Variants in AHI1 observed in about 807,000 individuals in gnomAD.
The protein encoded by AHI1 is jouberin.
In AHI1, 123 loss-of-function variants were observed where a neutral mutation model predicts 149.3. The ratio of observed to expected loss-of-function variants is 0.82; its 90% CI spans 0.71 to 0.96. The LOEUF is 0.96. AHI1 is among the 40% of genes least tolerant of loss of function. AHI1 has a pLI of 0.00. For synonymous variants in AHI1, 475 were observed against 459.8 expected, an observed-to-expected ratio of 1.03 and a Z score of -0.42; for missense variants, 1,439 against 1,422.7, an observed-to-expected ratio of 1.01 and a Z score of -0.18.
intron 20 of AHI1, among the ~76,000 whole-genome samples, chr6:135,418,866 C>CT (rs918054495): frequency 6.7e-6 from 1 of 150,160 alleles, no homozygotes; most frequent in African/African-American, 2.5e-5. Context: ...GTTGGTAGTT[C>CT]TACTTAGTTT....
chr6:135,377,838 C>T (rs576361507), intron 23 of AHI1, among the ~76,000 whole-genome samples: 1 of 151,892 alleles, frequency 6.6e-6, no homozygotes, highest in Non-Finnish European at 1.5e-5. Flanking sequence ...ATAGAGCACT[C>T]CTTCTCAACT....
At chr6:135,441,964 C>T (rs1786367786) in intron 14 of AHI1, among the ~76,000 whole-genome samples, 1 of 152,054 alleles carries the variant, frequency 6.6e-6, no homozygotes, top group Non-Finnish European at 1.5e-5. Flanking sequence ...GTGTTTAGGG[C>T]AGATGCCCAC....
intron 23 of AHI1, among the ~76,000 whole-genome samples, chr6:135,365,378 A>AT (rs1237683940): frequency 6.6e-6 from 1 of 151,332 alleles, no homozygotes; most frequent in African/African-American, 2.5e-5. Flanking sequence ...ATTGCATTGA[A>AT]TTTTTTATTG....
At chr6:135,480,164 A>AT (rs1441766938) in intron 5 of AHI1, among the ~76,000 whole-genome samples, 3 of 152,184 alleles carry the variant, frequency 2.0e-5, no homozygotes, top group African/African-American at 7.2e-5. Flanking sequence ...CTTCACATAC[A>AT]TTTTAAGAAA....
intron 21 of AHI1, among the ~76,000 whole-genome samples, chr6:135,408,725 A>C (rs1473277382): frequency 1.3e-5 from 2 of 152,184 alleles, no homozygotes; most frequent in Non-Finnish European, 2.9e-5. Flanking sequence ...ACATTTATTA[A>C]AGAAGGTAAG....
At position 135,283,715 on chromosome 6, in the gene AHI1, A is replaced by G. The variant is rs1025777519; in HGVS notation, c.*1930T>C. Reference sequence around the variant, plus strand: ...TTAATCTATTCATGAACATAACCCTAGTCTTACTTTGTCAGCGAGACAAAG... The same window carrying G: ...TTAATCTATTCATGAACATAACCCTGGTCTTACTTTGTCAGCGAGACAAAG... On this transcript the variant is annotated 3_prime_UTR_variant, in exon 29 of 29. Transcript: ENST00000265602. The G allele has an allele frequency of 1.3e-5, 2 of 152,156 alleles. No homozygotes were observed. Among genetic ancestry groups the G allele is most frequent in the Non-Finnish European group, 2.9e-5 (2 of 68,024 alleles). The allele number at this position is 152,156 out of a possible 1,614,324, so 9.4% of individuals were successfully genotyped here.
intron 24 of AHI1, among the ~76,000 whole-genome samples, chr6:135,340,654 C>CATATATAT (rs1290327693): frequency 1.5e-3 from 90 of 58,552 alleles, no homozygotes; most frequent in East Asian, 3.2e-3. Flanking sequence ...TATATACATA[C>CATATATAT]ATACATATAT....
Position 135,323,291 on chromosome 6 carries a change from A to G in AHI1, c.3199T>C (p.Ser1067Pro), listed in dbSNP as rs779038841. The G allele has an allele frequency of 6.2e-7, 1 of 1,613,740 alleles. No homozygotes were observed. The highest frequency in any genetic ancestry group is 1.1e-5 in the South Asian group (1 of 90,998). ...CCGCGATGGATGGTTAGTTCATCTG[A>G]TCGATTCGCTGTGTAGTCATAAAGA... The part of the protein sequence containing the change: ...VALYDYTANR[S>P]DELTIHRGDI... The change falls in exon 25 of 29, where the codon TCA becomes CCA. Residue 1067 changes from serine to proline, a missense_variant. Ser to Pro is a moderately conservative substitution (Grantham distance 74). Coordinates refer to ENST00000265602, the MANE Select transcript of AHI1 (RefSeq NM_001134831.2).
chr6:135,371,473 C>A (rs892565185), intron 23 of AHI1, among the ~76,000 whole-genome samples: 1 of 152,120 alleles, frequency 6.6e-6, no homozygotes, highest in Non-Finnish European at 1.5e-5. Flanking sequence ...CACTAGAGTA[C>A]GGCTGAGTGC....
At chr6:135,301,216 C>G (rs916168032) in intron 26 of AHI1, 1 of 984,256 alleles carries the variant, frequency 1.0e-6, no homozygotes, top group Admixed American at 6.2e-5. Flanking sequence ...TGCTATAAAA[C>G]GAATTGCAAT....
chr6:135,484,293 T>C lies in AHI1; in HGVS notation c.135+6330A>G, dbSNP rs539594940. ...TTTGGGTGGGGACACAGCCAAACCA[T>C]GTCACATGTTGTACTGTTACCTTTC... On this transcript the variant is annotated intron_variant, in intron 5 of 28. Coordinates refer to ENST00000265602, the MANE Select transcript of AHI1 (RefSeq NM_001134831.2). 5.3e-5 allele frequency among the ~76,000 whole-genome samples: 8 copies of C among 152,308 alleles called. No homozygotes were observed. The East Asian group carries it at 1.4e-3, about 26-fold the overall frequency.
At chr6:135,424,152 G>T (rs1033531989) in intron 20 of AHI1, among the ~76,000 whole-genome samples, 2 of 151,990 alleles carry the variant, frequency 1.3e-5, no homozygotes, top group African/African-American at 4.8e-5. Context: ...GAAATTTGCT[G>T]AAAAGGAAAT....
chr6:135,313,433 C>A (rs189716468), intron 26 of AHI1, among the ~76,000 whole-genome samples: 6 of 152,250 alleles, frequency 3.9e-5, no homozygotes, highest in African/African-American at 1.2e-4. Flanking sequence ...GAGTTTTATC[C>A]TCTGCCACTC....
In AHI1 at chr6:135,400,693, C is replaced by G. The variant is rs142135234; in HGVS notation, c.2988+4258G>C. Among the ~76,000 whole-genome samples the G allele has an allele frequency of 1.8e-3, 267 of 152,266 alleles. 1 individual carries two copies. Among genetic ancestry groups the G allele is most frequent in the African/African-American group, 6.2e-3 (259 of 41,550 alleles). On this transcript the variant is annotated intron_variant, in intron 22 of 28. Coordinates refer to ENST00000265602, the MANE Select transcript of AHI1 (RefSeq NM_001134831.2). The stretch of plus-strand genomic sequence containing the variant: ...AGTTCCTTTTCTTTTTATTCATAAG[C>G]AGATAGCTACAGATAAAAGGTTAAA...
At chr6:135,471,102 C>T (rs1791617849) in intron 5 of AHI1, among the ~76,000 whole-genome samples, 1 of 151,822 alleles carries the variant, frequency 6.6e-6, no homozygotes, top group South Asian at 2.1e-4. Flanking sequence ...TGTGAGGATA[C>T]TCCTGAAAGA....
rs540499628 is a variant in AHI1 at position 135,481,326 on chromosome 6, C to A, written c.135+9297G>T. Among the ~76,000 whole-genome samples, 12 of 152,250 alleles carry A rather than the reference C, an allele frequency of 7.9e-5. 1 individual carries two copies. The highest frequency in any genetic ancestry group is 1.9e-4 in the East Asian group (1 of 5,184). On this transcript the variant is annotated intron_variant, in intron 5 of 28. Coordinates refer to ENST00000265602, the MANE Select transcript of AHI1 (RefSeq NM_001134831.2). ...ACAGTTGTTAAATCATTTACTTCTACAAATAAAGGTTGAATATCCCTTATA... is the reference window on the plus strand; with the variant it reads ...ACAGTTGTTAAATCATTTACTTCTAAAAATAAAGGTTGAATATCCCTTATA...
At chr6:135,418,839 T>C (rs982435734) in intron 20 of AHI1, among the ~76,000 whole-genome samples, 1 of 151,966 alleles carries the variant, frequency 6.6e-6, no homozygotes, top group Non-Finnish European at 1.5e-5. Flanking sequence ...TTTCCAGTTA[T>C]AATATCATCC....
At chr6:135,386,590 G>A (rs184459667) in intron 23 of AHI1, among the ~76,000 whole-genome samples, 1 of 152,018 alleles carries the variant, frequency 6.6e-6, no homozygotes, top group Non-Finnish European at 1.5e-5. Context: ...GATTACAGGT[G>A]TGAGCCACCG....
At chr6:135,363,608 C>T (rs1794286935) in intron 23 of AHI1, among the ~76,000 whole-genome samples, 2 of 151,222 alleles carry the variant, frequency 1.3e-5, no homozygotes, top group African/African-American at 4.9e-5. Flanking sequence ...GGGCTCCTCA[C>T]TTCCCAGTAG....
Sources: allele counts gnomAD v4.1 joint callset (sites outside exome capture counted in the v4.1 genomes callset), GRCh38; gene constraint gnomAD v4.1.1; transcripts MANE v1.5; gene names NCBI Gene and HGNC (gene_info 2026-07-23, HGNC 2026-07-21).